Variants in RERGL observed in about 807,000 individuals in gnomAD.
The protein encoded by RERGL is ras-related and estrogen-regulated growth inhibitor-like protein.
A neutral mutation model predicts 24.7 loss-of-function variants in RERGL; 22 were observed. That is an observed-to-expected ratio of 0.89 (90% CI 0.64 to 1.27). The LOEUF is 1.27. Ranked by LOEUF, RERGL falls within the 50% of genes most tolerant of loss-of-function variation. The probability of loss-of-function intolerance (pLI) is 0.00; values close to 1 mark genes in which losing one functional copy is unlikely to be tolerated. For missense variants in RERGL, 259 were observed against 235.3 expected, an observed-to-expected ratio of 1.10 and a Z score of -0.66; for synonymous variants, 76 against 82.6, an observed-to-expected ratio of 0.92 and a Z score of 0.43.
At chr12:18,085,770 T>C in intron 2 of RERGL, 77 bp from the exon 3 acceptor site, 1 of 789,548 alleles carries the variant, frequency 1.3e-6, no homozygotes, top group Non-Finnish European at 2.1e-6. Context: ...ACTCACATTT[T>C]AGTGGAATCG....
intron 1 of RERGL, chr12:18,089,513 T>C (rs750033506): frequency 3.9e-6 from 2 of 507,364 alleles, no homozygotes; most frequent in Non-Finnish European, 6.1e-6. Flanking sequence ...ATGTCACCAT[T>C]ATAATGTGAC....
At chr12:18,086,066 G>T (rs1291632746) in intron 2 of RERGL, among the ~76,000 whole-genome samples, 3 of 147,140 alleles carry the variant, frequency 2.0e-5, no homozygotes, top group South Asian at 2.2e-4. Context: ...GTAGAGACGG[G>T]GTTTCACCGT....
At chr12:18,087,524 A>AGTTTTAATATACAAAGT (rs1947231719) in intron 2 of RERGL, among the ~76,000 whole-genome samples, 1 of 152,124 alleles carries the variant, frequency 6.6e-6, no homozygotes, top group Non-Finnish European at 1.5e-5. Flanking sequence ...TTCCCCTTCT[A>AGTTTTAATATACAAAGT]GTTTTAATAT....
chr12:18,083,243 T>C (rs954108625), intron 4 of RERGL, among the ~76,000 whole-genome samples: 1 of 152,158 alleles, frequency 6.6e-6, no homozygotes, highest in African/African-American at 2.4e-5. Context: ...TCCTAGTCTT[T>C]TTACAGATTG....
chr12:18,085,532 C>T, intron 3 of RERGL, 88 bp downstream of exon 3: 1 of 864,414 alleles, frequency 1.2e-6, no homozygotes, highest in Non-Finnish European at 1.8e-6. Context: ...TCACTTTTTT[C>T]ACTTACCCCC....
chr12:18,088,634 A>AG (rs1446773121), intron 2 of RERGL, among the ~76,000 whole-genome samples: 2 of 152,098 alleles, frequency 1.3e-5, no homozygotes, highest in African/African-American at 4.8e-5. Flanking sequence ...AATATTTTGA[A>AG]GAGAGGATCT....
chr12:18,081,453 A>C lies in RERGL; in HGVS notation c.353T>G (p.Phe118Cys), dbSNP rs760442548. ...AAGATCTCGTTTGTTGCCAACCAAA[A>C]ACACTGCTGATTCCACAGCTCTGAA... ...HCKRAVESAV[F>C]LVGNKRDLCH... The change falls in exon 5 of 5, where the codon TTT becomes TGT. Residue 118 changes from phenylalanine (F) to cysteine (C), a missense_variant. Physicochemically the swap from Phe to Cys is radical, Grantham distance 205 (BLOSUM62 -2). Transcript: ENST00000538724. 5 of 1,610,946 alleles carry C rather than the reference A, an allele frequency of 3.1e-6. No individual in the cohort carries two copies. Among genetic ancestry groups the C allele is most frequent in the Non-Finnish European group, 4.2e-6 (5 of 1,177,540 alleles).
At chr12:18,088,812 G>A in intron 2 of RERGL, 88 bp downstream of exon 2, 1 of 852,606 alleles carries the variant, frequency 1.2e-6, no homozygotes. Context: ...AAATGGTATA[G>A]TCTATCAAAA....
chr12:18,081,525 TTTAA>T, intron 4 of RERGL, 52 bp from the exon 5 acceptor site: 3 of 1,307,000 alleles, frequency 2.3e-6, no homozygotes, highest in Non-Finnish European at 3.1e-6. Flanking sequence ...AACTCTTTTT[TTTAA>T]AAAAAAAAAA....
chr12:18,084,640 G>T lies in RERGL; in HGVS notation c.209C>A (p.Thr70Lys), dbSNP rs551436307. The change falls in exon 4 of 5, where the codon ACA (threonine) becomes AAA (lysine). Residue 70 changes from threonine (T) to lysine (K), a missense_variant. Coordinates refer to ENST00000538724, the MANE Select transcript of RERGL (RefSeq NM_001286201.2). ...CCCATCTGCCCAGTGAAGCTCACTT[G>T]TGAGGGAGAATTTTGCTTTCTGTGT... ...SQTQKAKFSL[T>K]SELHWADGFV... The T allele has an allele frequency of 2.5e-6, 4 of 1,610,132 alleles. No homozygotes were observed. The East Asian group carries it at 6.7e-5, about 27-fold the overall frequency.
At chr12:18,082,358 G>C (rs1290396645) in intron 4 of RERGL, among the ~76,000 whole-genome samples, 1 of 152,030 alleles carries the variant, frequency 6.6e-6, no homozygotes, top group African/African-American at 2.4e-5. Context: ...AGGAGGAAGA[G>C]GATCAGGAAA....
Position 18,080,939 on chromosome 12 carries a change from G to A in RERGL, c.*252C>T, listed in dbSNP as rs946348364. ...GCAAGGCAAACTGGGATCGCTGTCCGCCAGTAGGTTAGGGTGAGTGTGATG... is the reference window on the plus strand; with the variant it reads ...GCAAGGCAAACTGGGATCGCTGTCCACCAGTAGGTTAGGGTGAGTGTGATG... On this transcript the variant is annotated 3_prime_UTR_variant, in exon 5 of 5. Coordinates refer to ENST00000538724, the MANE Select transcript of RERGL (RefSeq NM_001286201.2). 7.9e-5 allele frequency: 23 copies of A among 292,178 alleles called. No homozygotes were observed. Among genetic ancestry groups the A allele is most frequent in the Middle Eastern group, 9.0e-4 (1 of 1,114 alleles). The allele number at this position is 292,178 out of a possible 1,614,324, so 18.1% of individuals were successfully genotyped here. A position where few individuals can be genotyped will look rare whatever the true frequency, so the allele number is the denominator to read the frequency against.
chr12:18,086,514 T>C (rs558815795), intron 2 of RERGL, among the ~76,000 whole-genome samples: 47 of 152,342 alleles, frequency 3.1e-4, no homozygotes, highest in African/African-American at 1.1e-3. Context: ...ATTAATGTAG[T>C]TGATCATTCC....
In RERGL at chr12:18,084,677, C is replaced by T; in HGVS notation, c.184-12G>A. The T allele has an allele frequency of 6.2e-7, 1 of 1,604,752 alleles. No homozygotes were observed. The highest frequency in any genetic ancestry group is 1.7e-4 in the Middle Eastern group (1 of 6,014). On this transcript the variant is annotated splice_polypyrimidine_tract_variant and intron_variant, in intron 3 of 4. Transcript: ENST00000538724. ...TTTGCTTTCTGTGTCTGAAAATAAA[C>T]CAAGTGCATTAAAAGTGGTGGGATC... is the stretch of plus-strand genomic sequence containing the variant.
rs1374077134 is a variant in RERGL, at chr12:18,084,586, C to A, written c.263G>T (p.Arg88Met). The A allele has an allele frequency of 1.2e-6, 2 of 1,613,048 alleles. No individual in the cohort carries two copies. The highest frequency in any genetic ancestry group is 1.1e-5 in the South Asian group (1 of 90,874). ...CGCTTTTGCAAAAGCAAATGAAGAC[C>A]TATCACTGATGTCATACACAATAAC... ...GFVIVYDISDRSSFAFAKALI... is the reference protein window; with the variant it reads ...GFVIVYDISDMSSFAFAKALI... Residue 88 changes from arginine to methionine, a missense_variant, in exon 4 of 5, where the codon AGG becomes ATG. Coordinates refer to ENST00000538724, the MANE Select transcript of RERGL (RefSeq NM_001286201.2).
intron 1 of RERGL, 52 bp from the exon 2 acceptor site, chr12:18,089,008 A>G (rs1947245629): frequency 6.9e-7 from 1 of 1,452,398 alleles, no homozygotes; most frequent in Admixed American, 1.7e-5. Context: ...GGAAACAGCT[A>G]ATTTGGTTAT....
At chr12:18,089,013 G>GTTT in intron 1 of RERGL, 57 bp from the exon 2 acceptor site, 1 of 1,406,516 alleles carries the variant, frequency 7.1e-7, no homozygotes, top group African/African-American at 1.4e-5. Flanking sequence ...CAGCTAATTT[G>GTTT]GTTATGTGCA....
chr12:18,088,194 CTCATT>C (rs1418799023), intron 2 of RERGL, among the ~76,000 whole-genome samples: 3 of 151,944 alleles, frequency 2.0e-5, no homozygotes. Context: ...AATTCATCTC[CTCATT>C]TCATTTCTTC....
At position 18,085,500 on chromosome 12, in the gene RERGL, T is replaced by C. The variant is rs1418436368; in HGVS notation, c.183+120A>G. On this transcript the variant is annotated intron_variant, in intron 3 of 4. Transcript: ENST00000538724. ...TTGATAATTAAAATGAGAAGAAACT[T>C]CGGTTTTAACACCGCAACTTTTCAC... The C allele has an allele frequency of 6.2e-6, 4 of 647,468 alleles. No individual in the cohort carries two copies. In the African/African-American group the frequency reaches 7.7e-5, roughly 12 times the overall value. The allele number at this position is 647,468 out of a possible 1,614,324, so 40.1% of individuals were successfully genotyped here.
Sources: gnomAD v4.1 joint callset for allele counts (sites outside exome capture counted in the v4.1 genomes callset) on GRCh38, gnomAD v4.1.1 for gene constraint, MANE v1.5 for transcripts, NCBI Gene and HGNC (gene_info 2026-07-23, HGNC 2026-07-21) for gene names.